The following DMXL2 variants were observed in gnomAD, a reference collection of about 807,000 sequenced individuals.
The protein encoded by DMXL2 is Dmx like 2.
DMXL2 carries 103 observed loss-of-function variants against 331.1 expected under a neutral mutation model. The observed-to-expected ratio is 0.31, with a 90% CI of 0.27 to 0.37. DMXL2 has a LOEUF of 0.37. Among genes scored for constraint, DMXL2 ranks in the 10% least tolerant of loss-of-function variants. The probability of loss-of-function intolerance (pLI) is 1.00; values close to 1 mark genes in which losing one functional copy is unlikely to be tolerated. For synonymous variants in DMXL2, 1,281 were observed against 1,252.1 expected, an observed-to-expected ratio of 1.02 and a Z score of -0.49; for missense variants, 3,171 against 3,642.9, an observed-to-expected ratio of 0.87 and a Z score of 3.33.
intron 1 of DMXL2, among the ~76,000 whole-genome samples, chr15:51,612,258 C>T (rs1468362119): frequency 6.6e-6 from 1 of 152,164 alleles, no homozygotes; most frequent in Non-Finnish European, 1.5e-5. Flanking sequence ...TTTCTATATA[C>T]CAACCACATA....
intron 1 of DMXL2, among the ~76,000 whole-genome samples, chr15:51,621,821 C>G (rs935916557): frequency 3.6e-5 from 5 of 140,238 alleles, no homozygotes; most frequent in African/African-American, 1.1e-4. Context: ...ATAAATGAGA[C>G]AGCTCTCCAA....
intron 1 of DMXL2, among the ~76,000 whole-genome samples, chr15:51,604,501 T>C (rs1477860791): frequency 6.6e-6 from 1 of 151,916 alleles, no homozygotes; most frequent in Non-Finnish European, 1.5e-5. Flanking sequence ...AAATAAAATG[T>C]TTAAAAAGAT....
At chr15:51,455,507 T>C (rs549284603) in intron 39 of DMXL2, among the ~76,000 whole-genome samples, 4 of 152,272 alleles carry the variant, frequency 2.6e-5, no homozygotes, top group Non-Finnish European at 4.4e-5. Context: ...CAAGGGATCC[T>C]CCAGCCTCAA....
chr15:51,548,300 C>A (rs1295665622), intron 6 of DMXL2, among the ~76,000 whole-genome samples: 1 of 151,970 alleles, frequency 6.6e-6, no homozygotes, highest in Non-Finnish European at 1.5e-5. Flanking sequence ...ATGCATTGAC[C>A]CAAATATTTT....
intron 1 of DMXL2, among the ~76,000 whole-genome samples, chr15:51,613,760 T>C (rs1378390015): frequency 2.6e-5 from 4 of 151,958 alleles, no homozygotes; most frequent in Non-Finnish European, 2.9e-5. Context: ...TTGTCCAGCA[T>C]AAAATTATCA....
At chr15:51,502,683 T>C (rs2043757753) in intron 17 of DMXL2, 123 bp downstream of exon 17, 4 of 685,398 alleles carry the variant, frequency 5.8e-6, no homozygotes, top group Non-Finnish European at 1.0e-5. Flanking sequence ...TAATAGAAAA[T>C]CAATCTTTAT....
chr15:51,590,509 T>C (rs1390837905), intron 1 of DMXL2, among the ~76,000 whole-genome samples: 3 of 152,222 alleles, frequency 2.0e-5, no homozygotes, highest in East Asian at 1.9e-4. Flanking sequence ...CTCTTTTCTA[T>C]ATCCTTACAA....
chr15:51,466,413 T>A (rs1415836807), intron 29 of DMXL2, 102 bp from the exon 30 acceptor site: 2 of 387,920 alleles, frequency 5.2e-6, no homozygotes, highest in Non-Finnish European at 7.6e-6. Context: ...TAGAAAATAT[T>A]TTTAGTATAT....
intron 8 of DMXL2, among the ~76,000 whole-genome samples, chr15:51,545,321 T>C (rs1401708880): frequency 6.6e-6 from 1 of 152,190 alleles, no homozygotes; most frequent in African/African-American, 2.4e-5. Flanking sequence ...AAAATAATAT[T>C]ATCTAGAACT....
At chr15:51,470,829 C>A (rs1415254262) in intron 29 of DMXL2, among the ~76,000 whole-genome samples, 1 of 152,160 alleles carries the variant, frequency 6.6e-6, no homozygotes, top group Admixed American at 6.5e-5. Flanking sequence ...GGGGCCTCAT[C>A]ATGGCCTGAT....
At position 51,502,928 on chromosome 15, in the gene DMXL2, T is replaced by C; in HGVS notation, c.2870A>G (p.His957Arg). 3.7e-6 allele frequency: 6 copies of C among 1,614,124 alleles called. No homozygotes were observed. The highest frequency in any genetic ancestry group is 4.2e-6 in the Non-Finnish European group (5 of 1,179,984). The change falls in exon 17 of 44, where the codon CAT (histidine) becomes CGT (arginine). Residue 957 changes from histidine to arginine, a missense_variant. By Grantham distance (29) the His-to-Arg change is conservative. Coordinates refer to ENST00000560891, the MANE Select transcript of DMXL2 (RefSeq NM_001378457.1). ...TTGAAGATTGGCAATTGATGAAGAA[T>C]GTGGCATGGGGCTCACACTAGGAGA... Reference protein sequence around the residue: ...ETSPSVSPMPHSSSIANLQTA... With the variant: ...ETSPSVSPMPRSSSIANLQTA...
chr15:51,542,807 G>A (rs188688391), intron 8 of DMXL2, among the ~76,000 whole-genome samples: 1 of 151,266 alleles, frequency 6.6e-6, no homozygotes, highest in East Asian at 1.9e-4. Context: ...GGATATCCTA[G>A]TACTGAGACA....
At chr15:51,556,277 AGCTTG>A (rs2049570883) in intron 6 of DMXL2, among the ~76,000 whole-genome samples, 1 of 148,026 alleles carries the variant, frequency 6.8e-6, no homozygotes, top group Non-Finnish European at 1.5e-5. Flanking sequence ...CAGGAGGCAG[AGCTTG>A]CAGTGAGCCG....
intron 21 of DMXL2, 51 bp downstream of exon 21, chr15:51,488,497 A>T: frequency 6.8e-7 from 1 of 1,477,502 alleles, no homozygotes; most frequent in Non-Finnish European, 9.4e-7. Flanking sequence ...TTTCTTACTC[A>T]CAGCACAATC....
rs182013201 is a variant in DMXL2, at chr15:51,487,544, G to A, written c.5217+410C>T. 8.5e-5 allele frequency among the ~76,000 whole-genome samples: 13 copies of A among 152,144 alleles called. No homozygotes were observed. In the East Asian group the frequency reaches 1.7e-3, roughly 20 times the overall value. On this transcript the variant is annotated intron_variant, in intron 22 of 43. Coordinates refer to ENST00000560891, the MANE Select transcript of DMXL2 (RefSeq NM_001378457.1). ...ACAATCTCACCTCACTGCAACCTCC[G>A]CCTCTCGGGTTCAAGTGATTCTCTT...
chr15:51,607,814 T>C (rs950292739), intron 1 of DMXL2, among the ~76,000 whole-genome samples: 9 of 152,176 alleles, frequency 5.9e-5, no homozygotes, highest in African/African-American at 1.7e-4. Context: ...CAGAAGACTA[T>C]AATCCTCAAG....
At position 51,480,969 on chromosome 15, in the gene DMXL2, G is replaced by A. The variant is rs1416564508; in HGVS notation, c.6137C>T (p.Ala2046Val). 3 of 1,613,936 alleles carry A rather than the reference G, an allele frequency of 1.9e-6. No individual in the cohort carries two copies. The highest frequency in any genetic ancestry group is 2.5e-6 in the Non-Finnish European group (3 of 1,179,998). ...TTCAGTCATAAGGATCTTTAAACAA[G>A]CTCTGAATTTTAGTTGTTCAGCAAT... ...DVIAEQLKFR[A>V]CLKILMTELR... Residue 2046 changes from alanine (A) to valine (V), a missense_variant, in exon 24 of 44, where the codon GCT (alanine) becomes GTT (valine). Coordinates refer to ENST00000560891, the MANE Select transcript of DMXL2 (RefSeq NM_001378457.1).
rs753286688 is a variant in DMXL2, at chr15:51,507,182, T to A, written c.2716A>T (p.Ile906Phe). 1.2e-6 allele frequency: 2 copies of A among 1,611,474 alleles called. No homozygotes were observed. The highest frequency in any genetic ancestry group is 4.5e-5 in the East Asian group (2 of 44,756). The change falls in exon 16 of 44, where the codon ATT becomes TTT. Residue 906 changes from isoleucine (I) to phenylalanine (F), a missense_variant. This residue lies in a region of DMXL2 where 1,674 missense variants were observed against 1,780.2 expected (regional missense o/e 0.94). Coordinates refer to ENST00000560891, the MANE Select transcript of DMXL2 (RefSeq NM_001378457.1). Reference protein sequence around the residue: ...VIEKDSNNNSILHMWHLHLKS... With the variant: ...VIEKDSNNNSFLHMWHLHLKS... ...AGATGAAGGTGCCACATATGCAGAATAGAGTTATTATTGCTGTCCTTCTCA... is the reference window on the plus strand; with the variant it reads ...AGATGAAGGTGCCACATATGCAGAAAAGAGTTATTATTGCTGTCCTTCTCA...
chr15:51,496,798 A>G (rs2140471290), intron 18 of DMXL2, among the ~76,000 whole-genome samples: 1 of 152,336 alleles, frequency 6.6e-6, no homozygotes, highest in East Asian at 1.9e-4. Context: ...AGCAGAGTCA[A>G]GAATGACTGT....
Sources: allele counts gnomAD v4.1 joint callset (sites outside exome capture counted in the v4.1 genomes callset), GRCh38; gene constraint gnomAD v4.1.1; regional missense constraint gnomAD v4.1.1; transcripts MANE v1.5; gene names NCBI Gene and HGNC (gene_info 2026-07-23, HGNC 2026-07-21).